Variants in MROH2B observed in about 807,000 individuals in gnomAD.
MROH2B encodes maestro heat like repeat family member 2B, also known as maestro heat-like repeat-containing protein family member 2B.
Under a neutral mutation model 208.6 loss-of-function variants are expected in MROH2B, and 177 were observed. That is an observed-to-expected ratio of 0.85 (90% CI 0.75 to 0.96). The LOEUF (loss-of-function observed/expected upper bound fraction) is 0.96. MROH2B is among the 40% of genes least tolerant of loss of function. The pLI is 0.00. For missense variants in MROH2B, 2,002 were observed against 1,878.7 expected (o/e 1.07, Z -1.21); for synonymous variants, 728 against 659.0 (o/e 1.10, Z -1.60).
chr5:41,031,845 G>A (rs1742581808), intron 24 of MROH2B, among the ~76,000 whole-genome samples: 1 of 152,016 alleles, frequency 6.6e-6, no homozygotes, highest in Non-Finnish European at 1.5e-5. Context: ...TGGTTTTCCT[G>A]CATTAATCTG....
intron 21 of MROH2B, among the ~76,000 whole-genome samples, chr5:41,035,335 A>G (rs552494767): frequency 6.6e-6 from 1 of 152,136 alleles, no homozygotes; most frequent in Non-Finnish European, 1.5e-5. Flanking sequence ...AGCAATAGGA[A>G]AAGGACTCCC....
intron 2 of MROH2B, among the ~76,000 whole-genome samples, chr5:41,067,803 C>T (rs1250635204): frequency 6.6e-6 from 1 of 152,174 alleles, no homozygotes; most frequent in Non-Finnish European, 1.5e-5. Flanking sequence ...AGGCTACCTG[C>T]CATTCCATGT....
intron 5 of MROH2B, among the ~76,000 whole-genome samples, chr5:41,063,606 T>C (rs1743706950): frequency 6.6e-6 from 1 of 152,228 alleles, no homozygotes; most frequent in Non-Finnish European, 1.5e-5. Context: ...AGCCTTTGTT[T>C]CTAGGTAAAG....
At chr5:41,053,128 C>T (rs1432990135) in intron 11 of MROH2B, among the ~76,000 whole-genome samples, 1 of 152,108 alleles carries the variant, frequency 6.6e-6, no homozygotes, top group Non-Finnish European at 1.5e-5. Context: ...CACTGCTTTG[C>T]TTTTAAAATA....
intron 24 of MROH2B, among the ~76,000 whole-genome samples, chr5:41,028,203 G>A (rs185253521): frequency 4.3e-4 from 66 of 152,046 alleles, no homozygotes; most frequent in Admixed American, 1.1e-3. Context: ...AAAGATATAC[G>A]TAGTAAAAGG....
chr5:41,052,630 G>A, intron 11 of MROH2B, 43 bp from the exon 12 acceptor site: 2 of 1,536,872 alleles, frequency 1.3e-6, no homozygotes, highest in Non-Finnish European at 1.8e-6. Context: ...ACTATGTTTT[G>A]CAGAAGGGAA....
rs70988830 is a variant in MROH2B at position 41,033,829 on chromosome 5, C to CTTT, written c.2241+8_2241+9insAAA. ...TCTATCTATCTATCTATCTATCTAT[C>CTTT]TCTCCTACCTTGTTCATCACAGACA... is the stretch of plus-strand genomic sequence containing the variant. On this transcript the variant is annotated intron_variant, in intron 22 of 41. Transcript: ENST00000399564. The CTTT allele has an allele frequency of 2.3e-6, 3 of 1,324,896 alleles. 1 individual carries two copies. In the South Asian group the frequency reaches 4.0e-5, roughly 18 times the overall value. The allele number at this position is 1,324,896 out of a possible 1,614,324, so 82.1% of individuals were successfully genotyped here.
chr5:41,019,144 G>T, intron 24 of MROH2B, 126 bp from the exon 25 acceptor site: 1 of 1,179,548 alleles, frequency 8.5e-7, no homozygotes, highest in Non-Finnish European at 1.2e-6. Flanking sequence ...CTGACACGTT[G>T]GGATGTTGAG....
chr5:41,068,341 G>A (rs1743874766), intron 2 of MROH2B, among the ~76,000 whole-genome samples: 1 of 152,140 alleles, frequency 6.6e-6, no homozygotes, highest in Non-Finnish European at 1.5e-5. Context: ...TATCCTGTCT[G>A]CAGGCCTTGT....
chr5:41,031,004 C>A (rs1414363589), intron 24 of MROH2B, among the ~76,000 whole-genome samples: 1 of 151,940 alleles, frequency 6.6e-6, no homozygotes, highest in Non-Finnish European at 1.5e-5. Flanking sequence ...TTAGAAAAAG[C>A]AGGATGAAAA....
chr5:41,005,413 A>AC (rs1554046603), intron 35 of MROH2B, 118 bp downstream of exon 35: 20,081 of 203,800 alleles, frequency 0.099, 1,729 homozygotes, highest in South Asian at 0.13. Flanking sequence ...CCTCTATGAA[A>AC]CCCCCCCCCC....
intron 3 of MROH2B, 137 bp from the exon 4 acceptor site, chr5:41,065,627 G>A (rs62360762): frequency 8.7e-6 from 6 of 690,662 alleles, no homozygotes; most frequent in African/African-American, 5.4e-5. Context: ...TACATGTGCA[G>A]GTTGGTCACA....
At chr5:41,056,484 G>C (rs1743456357) in intron 9 of MROH2B, among the ~76,000 whole-genome samples, 1 of 152,054 alleles carries the variant, frequency 6.6e-6, no homozygotes. Flanking sequence ...GTATTTGGGG[G>C]AGTGCAGAGG....
intron 3 of MROH2B, among the ~76,000 whole-genome samples, chr5:41,066,424 T>C (rs1441696974): frequency 1.3e-5 from 2 of 152,208 alleles, no homozygotes; most frequent in African/African-American, 4.8e-5. Flanking sequence ...CATTTGAGAC[T>C]GTTTTGTTGC....
chr5:41,069,932 A>G (rs1212699722), intron 1 of MROH2B, among the ~76,000 whole-genome samples, 180 bp from the exon 2 acceptor site: 1 of 152,216 alleles, frequency 6.6e-6, no homozygotes, highest in Non-Finnish European at 1.5e-5. Flanking sequence ...AAATGAAACT[A>G]GCAGATGCTA....
Position 41,000,458 on chromosome 5 carries a change from G to A in MROH2B, c.4351-107C>T, listed in dbSNP as rs1041103179. ...GAAAGAAGCACTAAAAGTCAGTGGT[G>A]TGAATGGCTTTATAGTCATTGCTGG... On this transcript the variant is annotated intron_variant, in intron 38 of 41. Transcript: ENST00000399564. 8 of 1,448,032 alleles carry A rather than the reference G, an allele frequency of 5.5e-6. No homozygotes were observed. In the African/African-American group the frequency reaches 8.5e-5, roughly 15 times the overall value. The allele number at this position is 1,448,032 out of a possible 1,614,324, so 89.7% of individuals were successfully genotyped here. A position where few individuals can be genotyped will look rare whatever the true frequency, so the allele number is the denominator to read the frequency against.
chr5:41,018,454 C>A (rs779449716), intron 26 of MROH2B, 24 bp from the exon 27 acceptor site: 33 of 1,600,910 alleles, frequency 2.1e-5, no homozygotes, highest in Non-Finnish European at 2.5e-5. Flanking sequence ...AATAAATGTT[C>A]TTTCCTTAGT....
At chr5:41,013,233 C>A (rs1277609812) in intron 29 of MROH2B, among the ~76,000 whole-genome samples, 1 of 152,086 alleles carries the variant, frequency 6.6e-6, no homozygotes, top group South Asian at 2.1e-4. Context: ...TTATTATGAG[C>A]CTTGTTTCTT....
At position 41,004,496 on chromosome 5, in the gene MROH2B, A is replaced by G. The variant is rs1180447767; in HGVS notation, c.4044T>C (p.Ser1348=). The G allele has an allele frequency of 1.2e-6, 2 of 1,612,114 alleles. No individual in the cohort carries two copies. Among genetic ancestry groups the G allele is most frequent in the Admixed American group, 1.7e-5 (1 of 59,404 alleles). ...CTAGGTGATACAGGCCTCTGATGAT[A>G]GATTCTAGCATTAACTGCTTATGTT... The part of the protein sequence containing the change: ...VKKHKQLMLE[S]IIRGLYHLAR... Residue 1348 remains serine (S), a synonymous_variant, in exon 37 of 42, where the codon TCT becomes TCC. Transcript: ENST00000399564.
Sources: allele counts gnomAD v4.1 joint callset (sites outside exome capture counted in the v4.1 genomes callset), GRCh38; gene constraint gnomAD v4.1.1; transcripts MANE v1.5; gene names NCBI Gene and HGNC (gene_info 2026-07-23, HGNC 2026-07-21).